The following AIMP2 variants were observed in gnomAD, a reference collection of about 807,000 sequenced individuals.
The protein encoded by AIMP2 is aminoacyl tRNA synthetase complex interacting multifunctional protein 2.
AIMP2 carries 20 observed loss-of-function variants against 23.4 expected under a neutral mutation model. That is an observed-to-expected ratio of 0.85 (90% CI 0.60 to 1.24). AIMP2 has a LOEUF of 1.24. Among genes scored for constraint, AIMP2 ranks in the 50% most tolerant of loss-of-function variants. The probability of loss-of-function intolerance (pLI) is 0.00; values close to 1 mark genes in which losing one functional copy is unlikely to be tolerated. For missense variants in AIMP2, 515 were observed against 414.5 expected, an observed-to-expected ratio of 1.24 and a Z score of -2.10; for synonymous variants, 210 against 170.4, an observed-to-expected ratio of 1.23 and a Z score of -1.81.
At chr7:6,015,382 G>C (rs751107887) in intron 2 of AIMP2, 30 bp downstream of exon 2, 42 of 1,607,878 alleles carry the variant, frequency 2.6e-5, no homozygotes, top group South Asian at 1.1e-5. Context: ...TGAAACGTTA[G>C]TAGGTACTGA....
chr7:6,011,707 C>G (rs1786701228), intron 1 of AIMP2, among the ~76,000 whole-genome samples: 1 of 152,204 alleles, frequency 6.6e-6, no homozygotes, highest in Admixed American at 6.5e-5. Flanking sequence ...TCAATGGTCC[C>G]TGCACCTAGA....
At chr7:6,011,890 A>G (rs1294623856) in intron 1 of AIMP2, among the ~76,000 whole-genome samples, 1 of 152,184 alleles carries the variant, frequency 6.6e-6, no homozygotes, top group Non-Finnish European at 1.5e-5. Context: ...GTGAACTTAG[A>G]GGACACATAA....
At chr7:6,022,009 C>T (rs189915574) in intron 3 of AIMP2, among the ~76,000 whole-genome samples, 39 of 152,278 alleles carry the variant, frequency 2.6e-4, no homozygotes, top group Admixed American at 6.5e-4. Flanking sequence ...TCTTCCTCAG[C>T]GACATGAGGA....
intron 3 of AIMP2, among the ~76,000 whole-genome samples, chr7:6,020,507 A>C (rs1176705855): frequency 6.6e-6 from 1 of 152,234 alleles, no homozygotes; most frequent in Non-Finnish European, 1.5e-5. Flanking sequence ...GATTTTAGAA[A>C]AAGCAAAGTC....
intron 1 of AIMP2, among the ~76,000 whole-genome samples, chr7:6,009,968 A>ATATATAT (rs1289301847): frequency 3.3e-4 from 12 of 36,708 alleles, no homozygotes; most frequent in Non-Finnish European, 3.3e-4. Flanking sequence ...AAAAAAAAAA[A>ATATATAT]AAAAAAATAT....
chr7:6,017,750 C>T (rs1787109082), intron 2 of AIMP2, 64 bp from the exon 3 acceptor site: 29 of 1,443,518 alleles, frequency 2.0e-5, no homozygotes, highest in South Asian at 1.3e-4. Context: ...TTCTTAGACT[C>T]GCGCCCGGCA....
chr7:6,014,588 C>T (rs1562723839), intron 1 of AIMP2, among the ~76,000 whole-genome samples: 1 of 152,004 alleles, frequency 6.6e-6, no homozygotes, highest in Non-Finnish European at 1.5e-5. Flanking sequence ...GATCAATTTG[C>T]AGGGACCTAT....
intron 1 of AIMP2, among the ~76,000 whole-genome samples, chr7:6,014,411 C>A (rs954737891): frequency 2.0e-5 from 3 of 151,850 alleles, no homozygotes; most frequent in Non-Finnish European, 4.4e-5. Flanking sequence ...GCATGCACTA[C>A]CACACCTGGC....
In AIMP2 at chr7:6,023,384, C is replaced by A; in HGVS notation, c.656C>A (p.Ser219Tyr). ...GEGNIARFLF[S>Y]LFGQKHNAVN... ...GGGAACATTGCACGTTTCTTGTTCT[C>A]TCTGTTTGGCCAGAAGCATAATGCT... Residue 219 changes from serine (S) to tyrosine (Y), a missense_variant, in exon 4 of 4, where the codon TCT becomes TAT. Coordinates refer to ENST00000223029, the MANE Select transcript of AIMP2 (RefSeq NM_006303.4). 2.5e-6 allele frequency: 4 copies of A among 1,614,122 alleles called. No individual in the cohort carries two copies. The highest frequency in any genetic ancestry group is 2.5e-6 in the Non-Finnish European group (3 of 1,180,014).
chr7:6,012,332 T>C (rs1330704785), intron 1 of AIMP2, among the ~76,000 whole-genome samples: 1 of 151,280 alleles, frequency 6.6e-6, no homozygotes, highest in Non-Finnish European at 1.5e-5. Context: ...TGTTTATAAA[T>C]ACATATAAAT....
chr7:6,014,707 CTTCTT>C (rs1385303198), intron 1 of AIMP2, among the ~76,000 whole-genome samples: 2 of 151,594 alleles, frequency 1.3e-5, no homozygotes, highest in Admixed American at 6.6e-5. Flanking sequence ...CCCATAATGT[CTTCTT>C]TTATTTTTTT....
chr7:6,015,004 G>C (rs538130493), intron 1 of AIMP2, 142 bp from the exon 2 acceptor site: 1 of 1,509,896 alleles, frequency 6.6e-7, no homozygotes, highest in South Asian at 1.3e-5. Context: ...ACAGGCGTGA[G>C]CCACCACACC....
In AIMP2 at chr7:6,023,394, C is replaced by T. The variant is rs772716032; in HGVS notation, c.666C>T (p.Gly222=). The T allele has an allele frequency of 6.2e-7, 1 of 1,614,018 alleles. No individual in the cohort carries two copies. Among genetic ancestry groups the T allele is most frequent in the South Asian group, 1.1e-5 (1 of 91,088 alleles). The change falls in exon 4 of 4, where the codon GGC becomes GGT. Residue 222 remains glycine (G), a synonymous_variant. Transcript: ENST00000223029. The part of the protein sequence containing the change: ...NIARFLFSLF[G]QKHNAVNATL... ...CACGTTTCTTGTTCTCTCTGTTTGG[C>T]CAGAAGCATAATGCTGTCAACGCAA...
chr7:6,018,478 G>C (rs1362366775), intron 3 of AIMP2, among the ~76,000 whole-genome samples: 1 of 151,162 alleles, frequency 6.6e-6, no homozygotes, highest in Non-Finnish European at 1.5e-5. Flanking sequence ...TAACTATCTT[G>C]GAAAATTTTT....
chr7:6,018,423 C>T (rs1787168587), intron 3 of AIMP2, among the ~76,000 whole-genome samples: 3 of 150,726 alleles, frequency 2.0e-5, no homozygotes, highest in Admixed American at 6.6e-5. Context: ...GCTGGGATTA[C>T]AGGCGTGAGC....
chr7:6,021,315 G>C (rs1013497676), intron 3 of AIMP2, among the ~76,000 whole-genome samples: 1 of 143,954 alleles, frequency 6.9e-6, no homozygotes, highest in African/African-American at 2.5e-5. Flanking sequence ...CTCCAGCCTG[G>C]GTGACAGAGC....
In AIMP2 at chr7:6,015,169, A is replaced by C. The variant is rs750626949; in HGVS notation, c.159A>C (p.Gln53His). 5.0e-6 allele frequency: 8 copies of C among 1,614,204 alleles called. No individual in the cohort carries two copies. Among genetic ancestry groups the C allele is most frequent in the Non-Finnish European group, 6.8e-6 (8 of 1,180,012 alleles). ...HVQEESNLSL[Q>H]ALESRQDDIL... Reference sequence around the variant, plus strand: ...AGGAAGAGTCTAACCTGTCTCTGCAAGCTCTTGAGTCCCGCCAAGATGATA... The same window carrying C: ...AGGAAGAGTCTAACCTGTCTCTGCACGCTCTTGAGTCCCGCCAAGATGATA... Residue 53 changes from glutamine to histidine, a missense_variant, in exon 2 of 4, where the codon CAA becomes CAC. Coordinates refer to ENST00000223029, the MANE Select transcript of AIMP2 (RefSeq NM_006303.4).
rs2128869534 is a variant in AIMP2, at chr7:6,009,458, G to A, written c.95G>A (p.Gly32Asp). 1 of 1,609,606 alleles carries A rather than the reference G, an allele frequency of 6.2e-7. No individual in the cohort carries two copies. Among genetic ancestry groups the A allele is most frequent in the Admixed American group, 1.7e-5 (1 of 59,702 alleles). ...ATGTACCGGCTCCCCAACGTGCACG[G>A]CAGGAGCTACGGCCCAGCGCCGGGC... is the stretch of plus-strand genomic sequence containing the variant. ...TCMYRLPNVH[G>D]RSYGPAPGAG... is the part of the protein sequence containing the mutation. Residue 32 changes from glycine to aspartate, a missense_variant, in exon 1 of 4, where the codon GGC becomes GAC. Gly to Asp is a moderately conservative substitution (Grantham distance 94). Coordinates refer to ENST00000223029, the MANE Select transcript of AIMP2 (RefSeq NM_006303.4).
chr7:6,018,143 T>TTTA, intron 3 of AIMP2, 98 bp downstream of exon 3: 22 of 909,286 alleles, frequency 2.4e-5, no homozygotes, highest in Non-Finnish European at 3.3e-5. Flanking sequence ...TTTTTTTCTT[T>TTTA]TTCTTTTTTT....
Sources: gnomAD v4.1 joint callset for allele counts (sites outside exome capture counted in the v4.1 genomes callset) on GRCh38, gnomAD v4.1.1 for gene constraint, MANE v1.5 for transcripts, NCBI Gene and HGNC (gene_info 2026-07-23, HGNC 2026-07-21) for gene names.